EML6: variants seen among roughly 807,000 people sequenced by gnomAD.
EML6 encodes echinoderm microtubule-associated protein-like 6.
In EML6, 154 loss-of-function variants were observed where a neutral mutation model predicts 240.1. That is an observed-to-expected ratio of 0.64 (90% CI 0.56 to 0.73). EML6 has a LOEUF of 0.73. Among genes scored for constraint, EML6 ranks in the 30% least tolerant of loss-of-function variants. EML6 has a pLI of 0.00. For synonymous variants in EML6, 1,148 were observed against 899.0 expected, an observed-to-expected ratio of 1.28 and a Z score of -4.95; for missense variants, 2,964 against 2,474.6, an observed-to-expected ratio of 1.20 and a Z score of -4.20.
At chr2:54,730,000 G>A (rs1683083437) in intron 2 of EML6, among the ~76,000 whole-genome samples, 1 of 152,160 alleles carries the variant, frequency 6.6e-6, no homozygotes, top group Non-Finnish European at 1.5e-5. Context: ...GCTGGGCATG[G>A]TGGCAGGTGC....
chr2:54,920,999 G>A (rs1377314286), intron 26 of EML6, among the ~76,000 whole-genome samples: 2 of 151,882 alleles, frequency 1.3e-5, no homozygotes, highest in Non-Finnish European at 2.9e-5. Flanking sequence ...ATAGAAGGAA[G>A]GAACTTCAAT....
chr2:54,816,776 C>G lies in EML6; in HGVS notation c.358-11C>G, dbSNP rs766916949. On this transcript the variant is annotated splice_polypyrimidine_tract_variant and intron_variant, in intron 3 of 41. Transcript: ENST00000356458. ...CACTTTTAGGTACTAAATTATTGTT[C>G]TTATTCTTAGCGTTTAGCCTCTGTG... 9 of 1,539,136 alleles carry G rather than the reference C, an allele frequency of 5.8e-6. No individual in the cohort carries two copies. The highest frequency in any genetic ancestry group is 7.9e-6 in the Non-Finnish European group (9 of 1,135,810).
At chr2:54,761,843 C>T (rs887858757) in intron 2 of EML6, among the ~76,000 whole-genome samples, 4 of 151,338 alleles carry the variant, frequency 2.6e-5, no homozygotes, top group South Asian at 2.1e-4. Context: ...TTTATAGATA[C>T]GCATTAGTAT....
At chr2:54,784,302 C>G (rs534971129) in intron 2 of EML6, among the ~76,000 whole-genome samples, 64 of 152,218 alleles carry the variant, frequency 4.2e-4, no homozygotes, top group African/African-American at 1.5e-3. Flanking sequence ...AATCAATTAG[C>G]AAGCAACTAA....
At chr2:54,938,346 C>T (rs1316222147) in intron 28 of EML6, among the ~76,000 whole-genome samples, 1 of 152,134 alleles carries the variant, frequency 6.6e-6, no homozygotes, top group Non-Finnish European at 1.5e-5. Flanking sequence ...TTAGGGTATG[C>T]AGAAAGCTAT....
At chr2:54,834,053 C>G (rs909223269) in intron 7 of EML6, among the ~76,000 whole-genome samples, 3 of 152,174 alleles carry the variant, frequency 2.0e-5, no homozygotes, top group African/African-American at 7.2e-5. Context: ...CAAAGGATTT[C>G]AGCTGTATGG....
chr2:54,802,861 G>A (rs912243509), intron 2 of EML6, among the ~76,000 whole-genome samples: 2 of 152,068 alleles, frequency 1.3e-5, no homozygotes, highest in Admixed American at 6.5e-5. Context: ...CTTACACATG[G>A]AATCTTAAAA....
intron 11 of EML6, among the ~76,000 whole-genome samples, chr2:54,856,685 T>C (rs1670399552): frequency 6.6e-6 from 1 of 152,084 alleles, no homozygotes; most frequent in Non-Finnish European, 1.5e-5. Flanking sequence ...TTGCGTACCG[T>C]GACATTGGAG....
At position 54,891,109 on chromosome 2, in the gene EML6, C is replaced by T. The variant is rs377524212; in HGVS notation, c.2494C>T (p.Leu832=). 194 of 1,509,364 alleles carry T rather than the reference C, an allele frequency of 1.3e-4. No individual in the cohort carries two copies. Among genetic ancestry groups the T allele is most frequent in the Non-Finnish European group, 1.7e-4 (190 of 1,115,498 alleles). 93.5% of individuals were successfully genotyped at this position (1,509,364 alleles called of 1,614,324 possible). ...GTGTAACCCACACCATGTTGACAAA[C>T]TGGTTACAGTTGGGATAAAACACAT... The part of the protein sequence containing the change: ...VKCNPHHVDK[L]VTVGIKHIKF... The change falls in exon 18 of 42, where the codon CTG becomes TTG. Residue 832 remains leucine (L), a synonymous_variant. Transcript: ENST00000356458.
chr2:54,926,358 T>C (rs1558692938), intron 26 of EML6, among the ~76,000 whole-genome samples: 1 of 152,246 alleles, frequency 6.6e-6, no homozygotes, highest in Non-Finnish European at 1.5e-5. Flanking sequence ...CGCCTTGGCC[T>C]CCCAAAGTGC....
rs1027839866 is a variant in EML6, at chr2:54,922,530, C to A, written c.3675+5595C>A. Among the ~76,000 whole-genome samples, 9 of 152,196 alleles carry A rather than the reference C, an allele frequency of 5.9e-5. No homozygotes were observed. The South Asian group carries it at 1.9e-3, about 32-fold the overall frequency. The stretch of plus-strand genomic sequence containing the variant: ...AAAACTAATATATGATTCAGTAATC[C>A]CACTTCTGGGTATATATCCAAAGGA... On this transcript the variant is annotated intron_variant, in intron 26 of 41. Coordinates refer to ENST00000356458, the MANE Select transcript of EML6 (RefSeq NM_001039753.4).
At chr2:54,751,269 G>T (rs542216028) in intron 2 of EML6, among the ~76,000 whole-genome samples, 1 of 152,194 alleles carries the variant, frequency 6.6e-6, no homozygotes, top group Non-Finnish European at 1.5e-5. Context: ...CTGGTGTGGA[G>T]GACAGGGATC....
intron 10 of EML6, among the ~76,000 whole-genome samples, chr2:54,852,227 G>C (rs750509450): frequency 3.3e-5 from 5 of 152,124 alleles, no homozygotes; most frequent in Non-Finnish European, 7.3e-5. Flanking sequence ...ACTTTTATAA[G>C]AGATTCATCT....
At position 54,916,909 on chromosome 2, in the gene EML6, G is replaced by A. The variant is rs61747566; in HGVS notation, c.3649G>A (p.Val1217Ile). 1,416 of 1,547,216 alleles carry A rather than the reference G, an allele frequency of 9.2e-4. 3 individuals carry two copies. Among genetic ancestry groups the A allele is most frequent in the Non-Finnish European group, 1.1e-3 (1,307 of 1,143,314 alleles). ...AGCCACCGGAGATGATTTTGGTTTC[G>A]TTAAGCTTTTTTCATATCCTGTCAA... Reference protein sequence around the residue: ...LLATGDDFGFVKLFSYPVKGQ... With the variant: ...LLATGDDFGFIKLFSYPVKGQ... Residue 1217 changes from valine to isoleucine, a missense_variant, in exon 26 of 42, where the codon GTT becomes ATT. Transcript: ENST00000356458.
intron 26 of EML6, among the ~76,000 whole-genome samples, chr2:54,926,676 T>C (rs771976900): frequency 6.6e-6 from 1 of 152,246 alleles, no homozygotes; most frequent in Non-Finnish European, 1.5e-5. Flanking sequence ...TATTGTTGCA[T>C]GGAGCAGTGA....
intron 26 of EML6, among the ~76,000 whole-genome samples, chr2:54,925,459 C>A (rs574895566): frequency 1.3e-5 from 2 of 152,298 alleles, no homozygotes; most frequent in South Asian, 2.1e-4. Context: ...GATCTTATTA[C>A]CACCACAGAG....
intron 24 of EML6, among the ~76,000 whole-genome samples, chr2:54,908,888 G>A (rs549964596): frequency 6.6e-6 from 1 of 152,230 alleles, no homozygotes; most frequent in African/African-American, 2.4e-5. Context: ...AAACATGACC[G>A]CGGGGGCAGT....
intron 14 of EML6, chr2:54,868,638 C>T (rs971340009): frequency 2.0e-5 from 3 of 152,250 alleles, no homozygotes; most frequent in African/African-American, 7.2e-5. Flanking sequence ...CATTAAGTCT[C>T]TGTACAATTT....
At chr2:54,754,146 T>TA (rs1249407777) in intron 2 of EML6, among the ~76,000 whole-genome samples, 1 of 142,094 alleles carries the variant, frequency 7.0e-6, no homozygotes, top group East Asian at 2.1e-4. Context: ...AAAAAAAAAA[T>TA]TTTTTTTTTT....
Sources: allele counts gnomAD v4.1 joint callset (sites outside exome capture counted in the v4.1 genomes callset), GRCh38; gene constraint gnomAD v4.1.1; transcripts MANE v1.5; gene names NCBI Gene and HGNC (gene_info 2026-07-23, HGNC 2026-07-21).